PRKCZ: variants seen among roughly 807,000 people sequenced by gnomAD.
PRKCZ encodes protein kinase C zeta type.
Under a neutral mutation model 79.5 loss-of-function variants are expected in PRKCZ, and 33 were observed. That is an observed-to-expected ratio of 0.41 (90% CI 0.31 to 0.55). The LOEUF (loss-of-function observed/expected upper bound fraction) is 0.55. Among genes scored for constraint, PRKCZ ranks in the 20% least tolerant of loss-of-function variants. The probability of loss-of-function intolerance (pLI) is 0.19; values close to 1 mark genes in which losing one functional copy is unlikely to be tolerated. For missense variants in PRKCZ, 578 were observed against 813.5 expected, an observed-to-expected ratio of 0.71 and a Z score of 3.52; for synonymous variants, 342 against 320.9, an observed-to-expected ratio of 1.07 and a Z score of -0.70.
chr1:2,131,326 C>G (rs762973209), intron 4 of PRKCZ, among the ~76,000 whole-genome samples: 1 of 152,084 alleles, frequency 6.6e-6, no homozygotes, highest in South Asian at 2.1e-4. Flanking sequence ...ATTTGAAGGC[C>G]GGGCACAGTG....
intron 4 of PRKCZ, among the ~76,000 whole-genome samples, chr1:2,063,286 A>G (rs555666671): frequency 2.1e-4 from 32 of 152,172 alleles, no homozygotes; most frequent in East Asian, 3.9e-4. Flanking sequence ...CCCGGAAGTG[A>G]GATTGCTGGA....
intron 4 of PRKCZ, among the ~76,000 whole-genome samples, chr1:2,062,928 C>G (rs1279337897): frequency 6.6e-6 from 1 of 152,172 alleles, no homozygotes; most frequent in Admixed American, 6.5e-5. Flanking sequence ...ACACTCACTC[C>G]CCATTCTGCC....
intron 16 of PRKCZ, among the ~76,000 whole-genome samples, chr1:2,181,239 A>C (rs978218180): frequency 6.6e-6 from 1 of 151,942 alleles, no homozygotes; most frequent in African/African-American, 2.4e-5. Context: ...CAAGGCACAC[A>C]CCCACTATGG....
upstream of PRKCZ, among the ~76,000 whole-genome samples, chr1:2,048,676 G>T (rs557473746): frequency 5.3e-5 from 8 of 152,232 alleles, no homozygotes; most frequent in Non-Finnish European, 1.2e-4. Context: ...CTGGGGCTGG[G>T]TGAGTGTTGG....
At chr1:2,138,287 G>A (rs753955420) in intron 5 of PRKCZ, among the ~76,000 whole-genome samples, 2 of 152,152 alleles carry the variant, frequency 1.3e-5, no homozygotes, top group South Asian at 2.1e-4. Flanking sequence ...TGGGCTCCCC[G>A]CCCAGCTCTT....
chr1:2,129,232 G>A (rs1202790635), intron 4 of PRKCZ, among the ~76,000 whole-genome samples: 1 of 152,134 alleles, frequency 6.6e-6, no homozygotes, highest in Non-Finnish European at 1.5e-5. Flanking sequence ...AGAATCCCCC[G>A]AAAAGGTGGG....
At chr1:2,095,881 T>A in intron 4 of PRKCZ, among the ~76,000 whole-genome samples, 1 of 70,396 alleles carries the variant, frequency 1.4e-5, no homozygotes. Context: ...TCCTTTCCCC[T>A]CCCCTCCTTT....
At chr1:2,090,729 G>A (rs13303220) in intron 4 of PRKCZ, among the ~76,000 whole-genome samples, 17,181 of 152,276 alleles carry the variant, frequency 0.11, 1,064 homozygotes, top group Middle Eastern at 0.16. Context: ...AGCGGCAGCC[G>A]GGGGCGTCTC....
intron 4 of PRKCZ, among the ~76,000 whole-genome samples, chr1:2,130,364 C>A (rs1272179667): frequency 1.3e-5 from 2 of 152,166 alleles, no homozygotes; most frequent in East Asian, 3.9e-4. Context: ...GGTGTCCTGC[C>A]CAACCAGGGT....
At chr1:2,067,062 A>G (rs1307560541) in intron 4 of PRKCZ, among the ~76,000 whole-genome samples, 1 of 152,024 alleles carries the variant, frequency 6.6e-6, no homozygotes, top group Non-Finnish European at 1.5e-5. Flanking sequence ...TTATTTCCAT[A>G]TATTTGCGAA....
At chr1:2,074,517 G>A (rs995179017) in intron 4 of PRKCZ, among the ~76,000 whole-genome samples, 1 of 152,200 alleles carries the variant, frequency 6.6e-6, no homozygotes, top group Admixed American at 6.5e-5. Context: ...TGAGACCACG[G>A]GTGAAGTCTG....
chr1:2,132,614 C>T (rs1266412121), intron 4 of PRKCZ, among the ~76,000 whole-genome samples: 2 of 152,236 alleles, frequency 1.3e-5, no homozygotes, highest in Non-Finnish European at 2.9e-5. Context: ...GGGCGAGACG[C>T]CTGCTCTGGG....
rs545858687 is a variant in PRKCZ at position 2,106,968 on chromosome 1, C to T, written c.335-28294C>T. 1.4e-3 allele frequency among the ~76,000 whole-genome samples: 209 copies of T among 150,658 alleles called. 1 individual carries two copies. The highest frequency in any genetic ancestry group is 4.9e-3 in the African/African-American group (201 of 41,146). ...CTCCAGAGGCCAAAGCAGAAGAAAA[C>T]GTTAGCACAGGAGTCACTTGACTTC... On this transcript the variant is annotated intron_variant, in intron 4 of 17. Transcript: ENST00000378567.
intron 4 of PRKCZ, among the ~76,000 whole-genome samples, chr1:2,109,389 C>T (rs1406581207): frequency 1.3e-5 from 2 of 152,216 alleles, no homozygotes; most frequent in Admixed American, 1.3e-4. Flanking sequence ...TGACCCTTGA[C>T]CTTGGTGGCC....
intron 4 of PRKCZ, among the ~76,000 whole-genome samples, chr1:2,122,933 C>CGTCATGGTGGTAGTTAGGGTCATGGT (rs1557620532): frequency 1.4e-3 from 1 of 698 alleles, no homozygotes; most frequent in Admixed American, 0.022. Flanking sequence ...AGGGTCACGG[C>CGTCATGGTGGTAGTTAGGGTCATGGT]GGTGGTTAGG....
chr1:2,057,402 C>T (rs1438290144), intron 3 of PRKCZ, among the ~76,000 whole-genome samples: 1 of 152,190 alleles, frequency 6.6e-6, no homozygotes. Context: ...CCACTTCTGG[C>T]GTAGCTTGGG....
intron 4 of PRKCZ, among the ~76,000 whole-genome samples, chr1:2,129,819 G>T (rs1233247602): frequency 6.6e-6 from 1 of 152,198 alleles, no homozygotes; most frequent in Non-Finnish European, 1.5e-5. Context: ...GAGGCTTCTG[G>T]TTACCAGGTT....
At chr1:2,123,822 T>C (rs1341532900) in intron 4 of PRKCZ, among the ~76,000 whole-genome samples, 1 of 9,464 alleles carries the variant, frequency 1.1e-4, no homozygotes, top group Non-Finnish European at 1.6e-4. Flanking sequence ...GTCACGGCGG[T>C]GGTTAGGGTC....
chr1:2,174,926 C>T lies in PRKCZ; in HGVS notation c.1485+93C>T, dbSNP rs780286259. On this transcript the variant is annotated intron_variant, in intron 15 of 17. Transcript: ENST00000378567. The surrounding 1 kb of genome is among the most constrained non-coding windows in gnomAD (Gnocchi z 6.2). ...ACGGCTGTTGGCCATTTTTTCATGT[C>T]GGCTGCTGTGTATCGGGTGTGTGGG... 1.8e-5 allele frequency: 24 copies of T among 1,317,712 alleles called. No homozygotes were observed. The highest frequency in any genetic ancestry group is 2.9e-5 in the African/African-American group (2 of 68,808). The allele number at this position is 1,317,712 out of a possible 1,614,324, so 81.6% of individuals were successfully genotyped here.
Sources: gnomAD v4.1 joint callset for allele counts (sites outside exome capture counted in the v4.1 genomes callset) on GRCh38, gnomAD v4.1.1 for gene constraint, Gnocchi (gnomAD v3.1) non-coding constraint, MANE v1.5 for transcripts, NCBI Gene and HGNC (gene_info 2026-07-23, HGNC 2026-07-21) for gene names.